Variants in BST1 observed in about 807,000 individuals in gnomAD.
BST1 encodes bone marrow stromal cell antigen 1.
Under a neutral mutation model 40.6 loss-of-function variants are expected in BST1, and 49 were observed. That is an observed-to-expected ratio of 1.21 (90% confidence interval 0.96 to 1.53). The LOEUF (loss-of-function observed/expected upper bound fraction) is 1.53. Ranked by LOEUF, BST1 falls within the 40% of genes most tolerant of loss-of-function variation. The pLI is 0.00. For missense variants in BST1, 423 were observed against 395.9 expected (o/e 1.07, Z -0.58); for synonymous variants, 157 against 159.3 (o/e 0.99, Z 0.11).
At chr4:15,746,655 A>G in the BST1 span, among the ~76,000 whole-genome samples, 1 of 152,208 alleles carries the variant, frequency 6.6e-6, no homozygotes, top group Non-Finnish European at 1.5e-5. Flanking sequence ...TGACAATTGA[A>G]TCTCATCATA....
Position 15,732,012 on chromosome 4 carries a change from G to A in BST1, c.*167G>A. 1 of 1,328,566 alleles carries A rather than the reference G, an allele frequency of 7.5e-7. No homozygotes were observed. The highest frequency in any genetic ancestry group is 9.6e-7 in the Non-Finnish European group (1 of 1,037,638). The allele number at this position is 1,328,566 out of a possible 1,614,324, so 82.3% of individuals were successfully genotyped here. The stretch of plus-strand genomic sequence containing the variant: ...AATGAGGCATATGTTCAGGATTTCA[G>A]AAACAAGAAGTTAGTTCTATTTAGC... On this transcript the variant is annotated 3_prime_UTR_variant, in exon 9 of 9. Coordinates refer to ENST00000265016, the MANE Select transcript of BST1 (RefSeq NM_004334.3).
chr4:15,753,841 G>A, the BST1 span, among the ~76,000 whole-genome samples: 16 of 152,350 alleles, frequency 1.1e-4, no homozygotes, highest in South Asian at 3.3e-3. Context: ...CACAGAGTGA[G>A]GCAACAGGGA....
intron 7 of BST1, among the ~76,000 whole-genome samples, chr4:15,720,951 G>C (rs556831208): frequency 3.3e-5 from 5 of 152,166 alleles, no homozygotes; most frequent in African/African-American, 7.2e-5. Flanking sequence ...TATAATAGCC[G>C]GGCCAGAGCC....
the BST1 span, among the ~76,000 whole-genome samples, chr4:15,769,559 G>C: frequency 1.3e-5 from 2 of 152,156 alleles, no homozygotes; most frequent in East Asian, 3.9e-4. Context: ...GCTAGTGGGG[G>C]TGGAGAGCTG....
intron 8 of BST1, among the ~76,000 whole-genome samples, chr4:15,729,612 A>T (rs778709411): frequency 7.2e-5 from 11 of 152,236 alleles, no homozygotes; most frequent in Non-Finnish European, 1.6e-4. Flanking sequence ...ATAAAAGGGC[A>T]TGGGAAAATT....
downstream of BST1, chr4:15,735,955 C>A: frequency 3.1e-6 from 2 of 646,896 alleles, no homozygotes; most frequent in Non-Finnish European, 2.3e-6. Context: ...CTACACAATA[C>A]AGAAAAATTA....
At chr4:15,758,873 C>G in the BST1 span, among the ~76,000 whole-genome samples, 3 of 150,998 alleles carry the variant, frequency 2.0e-5, no homozygotes, top group African/African-American at 7.4e-5. Context: ...TGGAATGAAA[C>G]AGAACAAAAC....
the BST1 span, among the ~76,000 whole-genome samples, chr4:15,761,255 T>TA: frequency 6.6e-6 from 1 of 151,812 alleles, no homozygotes; most frequent in Non-Finnish European, 1.5e-5. Context: ...CATGGGCATA[T>TA]AGTTTTGTAA....
intron 6 of BST1, among the ~76,000 whole-genome samples, chr4:15,716,713 T>G (rs1290035478): frequency 1.3e-5 from 2 of 152,246 alleles, no homozygotes; most frequent in African/African-American, 2.4e-5. Flanking sequence ...TTATACTTAT[T>G]TTTGCATGCA....
the BST1 span, among the ~76,000 whole-genome samples, chr4:15,765,144 G>C: frequency 6.6e-6 from 1 of 151,820 alleles, no homozygotes; most frequent in Admixed American, 6.5e-5. Flanking sequence ...ATTTTCACTT[G>C]GATACATAAC....
At chr4:15,723,246 CT>C (rs1252888597) in intron 8 of BST1, among the ~76,000 whole-genome samples, 4 of 150,922 alleles carry the variant, frequency 2.7e-5, no homozygotes, top group African/African-American at 4.9e-5. Context: ...GTCACACTAC[CT>C]TTTTTTTTGG....
rs977615317 is a variant in BST1 at position 15,703,202 on chromosome 4, C to T, written c.58C>T (p.Leu20Phe). Reference sequence around the variant, plus strand: ...GCTCCAGCTGCTGCTGCAGCTTCTGCTTCTACTGTTGCTGCTGGCGGCGGG... The same window carrying T: ...GCTCCAGCTGCTGCTGCAGCTTCTGTTTCTACTGTTGCTGCTGGCGGCGGG... ...RLLQLLLQLL[L>F]LLLLLAAGGA... The change falls in exon 1 of 9, where the codon CTT (leucine) becomes TTT (phenylalanine). Residue 20 changes from leucine to phenylalanine, a missense_variant. Coordinates refer to ENST00000265016, the MANE Select transcript of BST1 (RefSeq NM_004334.3). 11 of 1,555,262 alleles carry T rather than the reference C, an allele frequency of 7.1e-6. No homozygotes were observed. In the Admixed American group the frequency reaches 7.8e-5, roughly 11 times the overall value.
chr4:15,757,331 A>T, the BST1 span, among the ~76,000 whole-genome samples: 1 of 152,038 alleles, frequency 6.6e-6, no homozygotes, highest in Non-Finnish European at 1.5e-5. Flanking sequence ...ATTCACAGCC[A>T]TGCCAAAGAA....
intron 7 of BST1, among the ~76,000 whole-genome samples, chr4:15,719,570 G>T (rs747617692): frequency 6.6e-6 from 1 of 152,092 alleles, no homozygotes. Flanking sequence ...GGACTCAAAC[G>T]CCTGCCTCTG....
At chr4:15,722,458 C>T (rs1720857005) in intron 7 of BST1, among the ~76,000 whole-genome samples, 1 of 152,186 alleles carries the variant, frequency 6.6e-6, no homozygotes, top group African/African-American at 2.4e-5. Flanking sequence ...TACAAGGCCT[C>T]ACTCTGTTAT....
At chr4:15,752,093 T>C in the BST1 span, among the ~76,000 whole-genome samples, 1 of 152,238 alleles carries the variant, frequency 6.6e-6, no homozygotes, top group Non-Finnish European at 1.5e-5. Context: ...GATCATTAAT[T>C]CATTAAACAG....
intron 2 of BST1, 131 bp downstream of exon 2, chr4:15,705,772 A>T: frequency 1.0e-5 from 12 of 1,191,032 alleles, no homozygotes; most frequent in South Asian, 1.3e-5. Context: ...AGCACACATA[A>T]TGTGTGTGCT....
At chr4:15,739,539 G>A (rs1200993569), downstream of BST1, among the ~76,000 whole-genome samples, 7 of 148,270 alleles carry the variant, frequency 4.7e-5, no homozygotes, top group African/African-American at 1.7e-4. Flanking sequence ...AAAAATGCAT[G>A]TTAAGAAGCC....
chr4:15,716,005 G>C (rs1560281699), intron 6 of BST1, among the ~76,000 whole-genome samples: 1 of 152,186 alleles, frequency 6.6e-6, no homozygotes. Flanking sequence ...TCCTTTATCT[G>C]GGATATTCTT....
Sources: gnomAD v4.1 joint callset for allele counts (sites outside exome capture counted in the v4.1 genomes callset) on GRCh38, gnomAD v4.1.1 for gene constraint, MANE v1.5 for transcripts, NCBI Gene and HGNC (gene_info 2026-07-23, HGNC 2026-07-21) for gene names.